Variants in RAD54L2 observed in about 807,000 individuals in gnomAD.
RAD54L2 encodes the protein RAD54 like 2, also known as helicase ARIP4.
Under a neutral mutation model 138.4 loss-of-function variants are expected in RAD54L2, and 27 were observed. The observed-to-expected ratio is 0.20, with a 90% CI of 0.14 to 0.27. The LOEUF (loss-of-function observed/expected upper bound fraction) is 0.27. Ranked by LOEUF, RAD54L2 falls within the 10% of genes least tolerant of loss-of-function variation. The probability of loss-of-function intolerance (pLI) is 1.00; values close to 1 mark genes in which losing one functional copy is unlikely to be tolerated. For missense variants in RAD54L2, 1,396 were observed against 1,890.2 expected (o/e 0.74, Z 4.85); for synonymous variants, 644 against 723.2 (o/e 0.89, Z 1.76).
At chr3:51,589,924 G>T (rs1032668840) in intron 2 of RAD54L2, among the ~76,000 whole-genome samples, 4 of 152,156 alleles carry the variant, frequency 2.6e-5, no homozygotes, top group African/African-American at 9.7e-5. Flanking sequence ...CATAGGGAAG[G>T]TGGTGATTTG....
chr3:51,646,281 C>T lies in RAD54L2; in HGVS notation c.2830-4C>T. ...ACTAAATCAACATCCTCCTGTGTCC[C>T]CAGGAGCCTTTCGAGCATGAGTCAT... On this transcript the variant is annotated splice_polypyrimidine_tract_variant and splice_region_variant and intron_variant, in intron 18 of 22. Transcript: ENST00000684192. 6.3e-7 allele frequency: 1 copy of T among 1,574,802 alleles called. No homozygotes were observed. The highest frequency in any genetic ancestry group is 8.6e-7 in the Non-Finnish European group (1 of 1,160,236).
chr3:51,580,776 C>T (rs1699588188), intron 2 of RAD54L2, among the ~76,000 whole-genome samples: 1 of 152,168 alleles, frequency 6.6e-6, no homozygotes, highest in African/African-American at 2.4e-5. Context: ...GATTTTAGAA[C>T]TGTGAGAAGC....
intron 2 of RAD54L2, among the ~76,000 whole-genome samples, chr3:51,557,178 G>A (rs1224436054): frequency 9.6e-6 from 1 of 104,220 alleles, no homozygotes; most frequent in Non-Finnish European, 1.8e-5. Context: ...TGTTGTTGTT[G>A]GCTTTTTTTT....
At chr3:51,618,176 A>C (rs1700491675) in intron 3 of RAD54L2, among the ~76,000 whole-genome samples, 1 of 142,286 alleles carries the variant, frequency 7.0e-6, no homozygotes, top group South Asian at 2.2e-4. Flanking sequence ...GGGTTTCACC[A>C]TGTTAGTAGC....
chr3:51,601,853 G>GT (rs1287564272), intron 3 of RAD54L2, among the ~76,000 whole-genome samples: 7 of 150,614 alleles, frequency 4.6e-5, no homozygotes, highest in African/African-American at 1.5e-4. Context: ...GTGTTTTTTT[G>GT]TTTTTTTGTT....
chr3:51,598,094 GATATAT>G (rs369698349), intron 3 of RAD54L2, among the ~76,000 whole-genome samples: 1 of 144,492 alleles, frequency 6.9e-6, no homozygotes, highest in East Asian at 2.0e-4. Context: ...AAATACCCAT[GATATAT>G]ATATATATAT....
Position 51,646,452 on chromosome 3 carries a change from C to G in RAD54L2, c.2997C>G (p.Thr999=), listed in dbSNP as rs1254193433. ...ACCCTGCCAGCGATCAGAGCCTGACCAGCATCCCCGCCTTCAGCCAGAGAA... is the reference window on the plus strand; with the variant it reads ...ACCCTGCCAGCGATCAGAGCCTGACGAGCATCCCCGCCTTCAGCCAGAGAA... ...QYYPASDQSL[T]SIPAFSQRNW... is the part of the protein sequence containing the mutation. The change falls in exon 19 of 23, where the codon ACC becomes ACG. Residue 999 remains threonine, a synonymous_variant. Coordinates refer to ENST00000684192, the MANE Select transcript of RAD54L2 (RefSeq NM_015106.4). The G allele has an allele frequency of 2.5e-6, 4 of 1,611,734 alleles. No homozygotes were observed. In the African/African-American group the frequency reaches 4.0e-5, roughly 16 times the overall value.
intron 2 of RAD54L2, among the ~76,000 whole-genome samples, chr3:51,565,350 C>T (rs1699190795): frequency 6.6e-6 from 1 of 151,656 alleles, no homozygotes; most frequent in Admixed American, 6.6e-5. Context: ...CTGCAGTGAG[C>T]CGAGATCTCA....
At chr3:51,608,796 G>A (rs1040272305) in intron 3 of RAD54L2, among the ~76,000 whole-genome samples, 6 of 152,288 alleles carry the variant, frequency 3.9e-5, no homozygotes, top group East Asian at 3.9e-4. Flanking sequence ...GCCTCGGCTC[G>A]GCATCAGAGG....
intron 2 of RAD54L2, among the ~76,000 whole-genome samples, chr3:51,567,313 C>T (rs1699239248): frequency 6.6e-6 from 1 of 152,128 alleles, no homozygotes; most frequent in African/African-American, 2.4e-5. Context: ...GGATAAGTTG[C>T]AGGGTCTCTT....
At chr3:51,548,361 G>A (rs1698752303) in intron 2 of RAD54L2, among the ~76,000 whole-genome samples, 1 of 151,436 alleles carries the variant, frequency 6.6e-6, no homozygotes, top group Non-Finnish European at 1.5e-5. Flanking sequence ...GCTAATTTTT[G>A]TATTTTTGTA....
At chr3:51,554,071 T>G (rs1406023553) in intron 2 of RAD54L2, among the ~76,000 whole-genome samples, 1 of 152,132 alleles carries the variant, frequency 6.6e-6, no homozygotes, top group Non-Finnish European at 1.5e-5. Flanking sequence ...GCTGTAGCAA[T>G]TTCTCAAAAT....
chr3:51,584,811 A>G (rs888840931), intron 2 of RAD54L2, among the ~76,000 whole-genome samples: 37 of 150,964 alleles, frequency 2.5e-4, no homozygotes, highest in Non-Finnish European at 4.4e-4. Context: ...AAAATTTTTT[A>G]TTTATTTATT....
intron 14 of RAD54L2, among the ~76,000 whole-genome samples, chr3:51,640,477 T>G (rs1701103123): frequency 6.6e-6 from 1 of 152,232 alleles, no homozygotes. Context: ...AGTTATATTC[T>G]CAGTCTGGCT....
chr3:51,619,528 T>C (rs1700522431), intron 3 of RAD54L2, among the ~76,000 whole-genome samples: 1 of 152,104 alleles, frequency 6.6e-6, no homozygotes. Context: ...ACATTTTCCT[T>C]TATACTTTAC....
rs1700914360 is a variant in RAD54L2, at chr3:51,633,981, C to G, written c.1088C>G (p.Pro363Arg). 1 of 1,613,958 alleles carries G rather than the reference C, an allele frequency of 6.2e-7. No homozygotes were observed. Among genetic ancestry groups the G allele is most frequent in the African/African-American group, 1.3e-5 (1 of 75,048 alleles). ...GAAGCCCTCCCGGCTGACAACAAGCCTGAAGAAGTCCAGCCTCGGTTCTTT... is the reference window on the plus strand; with the variant it reads ...GAAGCCCTCCCGGCTGACAACAAGCGTGAAGAAGTCCAGCCTCGGTTCTTT... ...PPEALPADNK[P>R]EEVQPRFFKV... The change falls in exon 9 of 23, where the codon CCT becomes CGT. Residue 363 changes from proline (P) to arginine (R), a missense_variant. Coordinates refer to ENST00000684192, the MANE Select transcript of RAD54L2 (RefSeq NM_015106.4).
intron 19 of RAD54L2, among the ~76,000 whole-genome samples, chr3:51,647,490 A>G (rs575016225): frequency 6.6e-6 from 1 of 152,252 alleles, no homozygotes; most frequent in African/African-American, 2.4e-5. Flanking sequence ...CAACATGGAG[A>G]AACCCCCATC....
In RAD54L2 at chr3:51,572,641, CT is replaced by C. The variant is rs113783205; in HGVS notation, c.-54-17711del. ...AAAAAAAGTAAAAGGTGCTATAAAT[CT>C]TTTTTTTTTTTTTTGAGATGGATTC... On this transcript the variant is annotated intron_variant, in intron 2 of 22. Transcript: ENST00000684192. Among the ~76,000 whole-genome samples the C allele has an allele frequency of 4.7e-3, 637 of 136,426 alleles. 2 individuals carry two copies. Among genetic ancestry groups the C allele is most frequent in the African/African-American group, 8.3e-3 (310 of 37,538 alleles). 89.5% of individuals were successfully genotyped at this position (136,426 alleles called of 152,430 possible). A position where few individuals can be genotyped will look rare whatever the true frequency, so the allele number is the denominator to read the frequency against.
chr3:51,616,873 A>G (rs1700455595), intron 3 of RAD54L2, among the ~76,000 whole-genome samples: 2 of 152,082 alleles, frequency 1.3e-5, no homozygotes, highest in South Asian at 4.1e-4. Context: ...TGGTCCCAGA[A>G]ATTCCTCTTT....
Sources: gnomAD v4.1 joint callset for allele counts (sites outside exome capture counted in the v4.1 genomes callset) on GRCh38, gnomAD v4.1.1 for gene constraint, MANE v1.5 for transcripts, NCBI Gene and HGNC (gene_info 2026-07-23, HGNC 2026-07-21) for gene names.